PDE1C: variants seen among roughly 807,000 people sequenced by gnomAD.
The protein encoded by PDE1C is dual specificity calcium/calmodulin-dependent 3',5'-cyclic nucleotide phosphodiesterase 1C.
PDE1C carries 62 observed loss-of-function variants against 93.1 expected under a neutral mutation model. The ratio of observed to expected loss-of-function variants is 0.67; its 90% CI spans 0.54 to 0.82. The LOEUF is 0.82. Among genes scored for constraint, PDE1C ranks in the 40% least tolerant of loss-of-function variants. PDE1C has a pLI of 0.00. For missense variants in PDE1C, 742 were observed against 884.6 expected (o/e 0.84, Z 2.04); for synonymous variants, 325 against 310.1 (o/e 1.05, Z -0.50).
the PDE1C span, among the ~76,000 whole-genome samples, chr7:31,661,829 C>A: frequency 6.6e-6 from 1 of 152,164 alleles, no homozygotes; most frequent in African/African-American, 2.4e-5. Context: ...TAATTTATTT[C>A]CCTCTGCCTA....
At chr7:32,406,297 T>C (rs373492) in intron 1 of PDE1C, among the ~76,000 whole-genome samples, 129,280 of 152,146 alleles carry the variant, frequency 0.85, 57,273 homozygotes, top group East Asian at 0.99. Flanking sequence ...AAAAGAAAGT[T>C]CCTCCTCAGG....
At chr7:31,864,823 G>A (rs997884607) in intron 7 of PDE1C, 119 bp downstream of exon 7, 3 of 928,648 alleles carry the variant, frequency 3.2e-6, no homozygotes, top group East Asian at 4.9e-5. Context: ...CTGGGAAACA[G>A]GAAGTCCATA....
intron 1 of PDE1C, among the ~76,000 whole-genome samples, chr7:32,055,452 C>A (rs1793946088): frequency 6.6e-6 from 1 of 151,986 alleles, no homozygotes. Flanking sequence ...GGATACAGAA[C>A]CTTAAAGTGG....
At chr7:31,955,737 CG>C (rs1808042214) in intron 2 of PDE1C, among the ~76,000 whole-genome samples, 1 of 152,060 alleles carries the variant, frequency 6.6e-6, no homozygotes, top group African/African-American at 2.4e-5. Context: ...ATTGAGGGTC[CG>C]GGAAATTAAA....
At chr7:32,059,517 T>A (rs1389447149) in intron 1 of PDE1C, among the ~76,000 whole-genome samples, 4 of 152,100 alleles carry the variant, frequency 2.6e-5, no homozygotes, top group African/African-American at 9.7e-5. Context: ...TCCCTCCGCA[T>A]CCCCTCGGCT....
At chr7:32,360,926 T>C (rs73306160) in intron 1 of PDE1C, among the ~76,000 whole-genome samples, 264 of 152,336 alleles carry the variant, frequency 1.7e-3, no homozygotes, top group African/African-American at 6.3e-3. Flanking sequence ...GCACTTACTG[T>C]ATGCTAGGCA....
intron 3 of PDE1C, among the ~76,000 whole-genome samples, chr7:32,116,536 A>G (rs1256290309): frequency 6.6e-6 from 1 of 152,168 alleles, no homozygotes; most frequent in Admixed American, 6.5e-5. Flanking sequence ...TGCTCATAAT[A>G]GGTGCATACA....
intron 1 of PDE1C, among the ~76,000 whole-genome samples, chr7:32,372,959 T>C (rs564201767): frequency 6.6e-6 from 1 of 152,338 alleles, no homozygotes; most frequent in African/African-American, 2.4e-5. Flanking sequence ...TGCTATGCAT[T>C]CCAAATGTAG....
chr7:32,344,519 G>A (rs539474341), intron 1 of PDE1C, among the ~76,000 whole-genome samples: 34 of 151,924 alleles, frequency 2.2e-4, no homozygotes, highest in Non-Finnish European at 4.1e-4. Flanking sequence ...TGAACACATC[G>A]GGCACCATCA....
intron 17 of PDE1C, among the ~76,000 whole-genome samples, chr7:31,754,638 G>A (rs1794337238): frequency 1.3e-5 from 2 of 152,200 alleles, no homozygotes; most frequent in South Asian, 2.1e-4. Flanking sequence ...AAGTCAGTCT[G>A]TAAAGGCTGT....
At chr7:32,224,639 T>C (rs755214806) in intron 1 of PDE1C, among the ~76,000 whole-genome samples, 1 of 152,164 alleles carries the variant, frequency 6.6e-6, no homozygotes, top group African/African-American at 2.4e-5. Context: ...AAGAAACATG[T>C]GTAGAGACAC....
the PDE1C span, among the ~76,000 whole-genome samples, chr7:31,720,959 G>T: frequency 6.6e-6 from 1 of 152,182 alleles, no homozygotes; most frequent in African/African-American, 2.4e-5. Context: ...AGAAAAAAAA[G>T]AGTATATTTG....
intron 1 of PDE1C, among the ~76,000 whole-genome samples, chr7:32,261,495 G>T (rs938759843): frequency 6.6e-6 from 1 of 152,054 alleles, no homozygotes; most frequent in Non-Finnish European, 1.5e-5. Flanking sequence ...CCAGTCTCTC[G>T]CACAGCCAGC....
intron 9 of PDE1C, 189 bp downstream of exon 9, chr7:31,847,779 T>A (rs1015342489): frequency 3.5e-5 from 20 of 579,260 alleles, no homozygotes; most frequent in African/African-American, 1.9e-5. Flanking sequence ...AATATCTGTA[T>A]AAAGAAAAAA....
intron 1 of PDE1C, among the ~76,000 whole-genome samples, chr7:32,371,023 C>T (rs1257909424): frequency 2.6e-5 from 4 of 151,118 alleles, no homozygotes; most frequent in African/African-American, 4.9e-5. Flanking sequence ...AAGTTGATCT[C>T]AAATCTACAC....
intron 2 of PDE1C, among the ~76,000 whole-genome samples, chr7:31,979,511 C>T (rs1812106602): frequency 6.6e-6 from 1 of 152,136 alleles, no homozygotes; most frequent in Non-Finnish European, 1.5e-5. Flanking sequence ...TCATTATGCC[C>T]CTTTTGAGGA....
At chr7:32,290,370 G>A (rs1812257889) in intron 1 of PDE1C, among the ~76,000 whole-genome samples, 1 of 152,170 alleles carries the variant, frequency 6.6e-6, no homozygotes, top group South Asian at 2.1e-4. Context: ...AAGCAGCTGT[G>A]GGTCTGGAAG....
chr7:31,862,178 A>C (rs1411214980), intron 7 of PDE1C, among the ~76,000 whole-genome samples: 1 of 152,224 alleles, frequency 6.6e-6, no homozygotes, highest in Non-Finnish European at 1.5e-5. Flanking sequence ...ACTATGTAAT[A>C]AAACACCCAG....
intron 2 of PDE1C, among the ~76,000 whole-genome samples, chr7:31,954,120 C>G (rs1170807447): frequency 1.3e-5 from 2 of 152,186 alleles, no homozygotes; most frequent in Non-Finnish European, 2.9e-5. Context: ...GCTCCCTCTT[C>G]CATAGTGGGG....
Sources: gnomAD v4.1 joint callset for allele counts (sites outside exome capture counted in the v4.1 genomes callset) on GRCh38, gnomAD v4.1.1 for gene constraint, MANE v1.5 for transcripts, NCBI Gene and HGNC (gene_info 2026-07-23, HGNC 2026-07-21) for gene names.